SEC24A: variants seen among roughly 807,000 people sequenced by gnomAD.
SEC24A encodes SEC24 homolog A, COPII component.
Under a neutral mutation model 129.4 loss-of-function variants are expected in SEC24A, and 93 were observed. The observed-to-expected ratio is 0.72, with a 90% CI of 0.61 to 0.85. The LOEUF (loss-of-function observed/expected upper bound fraction) is 0.85. Ranked by LOEUF, SEC24A falls within the 40% of genes least tolerant of loss-of-function variation. SEC24A has a pLI of 0.00. For missense variants in SEC24A, 1,264 were observed against 1,307.4 expected (o/e 0.97, Z 0.51); for synonymous variants, 460 against 467.3 (o/e 0.98, Z 0.20).
At chr5:134,713,201 G>A (rs914347721) in intron 18 of SEC24A, among the ~76,000 whole-genome samples, 2 of 152,260 alleles carry the variant, frequency 1.3e-5, no homozygotes, top group South Asian at 2.1e-4. Flanking sequence ...AAAGTGCTGG[G>A]ATTATAGGCG....
intron 11 of SEC24A, among the ~76,000 whole-genome samples, chr5:134,688,846 A>C (rs796694655): frequency 1.6e-4 from 24 of 152,098 alleles, no homozygotes; most frequent in African/African-American, 5.8e-4. Flanking sequence ...TGCCCAGCTA[A>C]TTTTTGTATT....
At position 134,649,099 on chromosome 5, in the gene SEC24A, C is replaced by T; in HGVS notation, c.23C>T (p.Ala8Val). 1.9e-6 allele frequency: 3 copies of T among 1,609,426 alleles called. No homozygotes were observed. The highest frequency in any genetic ancestry group is 2.5e-6 in the Non-Finnish European group (3 of 1,177,966). Residue 8 changes from alanine to valine, a missense_variant, in exon 1 of 23, where the codon GCC becomes GTC. Ala to Val is a moderately conservative substitution (Grantham distance 64). Coordinates refer to ENST00000398844, the MANE Select transcript of SEC24A (RefSeq NM_021982.3). Reference protein sequence around the residue: MSQPGIPASGGAPASLQA... With the variant: MSQPGIPVSGGAPASLQA... ...ATCATGTCCCAGCCGGGAATACCGG[C>T]CTCCGGCGGCGCCCCAGCCAGCCTC...
At chr5:134,671,445 T>C (rs1214971093) in intron 3 of SEC24A, among the ~76,000 whole-genome samples, 1 of 152,208 alleles carries the variant, frequency 6.6e-6, no homozygotes, top group Admixed American at 6.6e-5. Flanking sequence ...CTCTCACAAC[T>C]GCTGAAATCT....
intron 1 of SEC24A, among the ~76,000 whole-genome samples, chr5:134,656,985 G>C (rs1263066213): frequency 6.6e-6 from 1 of 151,268 alleles, no homozygotes; most frequent in African/African-American, 2.4e-5. Flanking sequence ...AGGAGTTCGA[G>C]ACCAGCCTGG....
At chr5:134,663,677 AT>A (rs1175956816) in intron 2 of SEC24A, among the ~76,000 whole-genome samples, 1 of 152,078 alleles carries the variant, frequency 6.6e-6, no homozygotes, top group African/African-American at 2.4e-5. Flanking sequence ...AAATAATTTT[AT>A]TTAAAAATAA....
At chr5:134,649,598 T>A (rs1749981395) in intron 1 of SEC24A, among the ~76,000 whole-genome samples, 1 of 152,114 alleles carries the variant, frequency 6.6e-6, no homozygotes, top group African/African-American at 2.4e-5. Flanking sequence ...CAGTCTGAGT[T>A]TCTGGAGATG....
At chr5:134,721,440 G>T (rs1752624799) in intron 21 of SEC24A, among the ~76,000 whole-genome samples, 1 of 151,110 alleles carries the variant, frequency 6.6e-6, no homozygotes. Context: ...GCGCACACCT[G>T]TAGTCCCAGC....
At chr5:134,699,301 C>CTTTTTTTTTT (rs1208203003) in intron 15 of SEC24A, among the ~76,000 whole-genome samples, 89 of 138,406 alleles carry the variant, frequency 6.4e-4, no homozygotes, top group African/African-American at 1.7e-3. Flanking sequence ...CCATTTTATC[C>CTTTTTTTTTT]TTTTTTTTTT....
intron 15 of SEC24A, 122 bp from the exon 16 acceptor site, chr5:134,703,634 TCAC>T (rs1752067415): frequency 1.6e-6 from 1 of 640,498 alleles, no homozygotes; most frequent in Admixed American, 3.0e-5. Context: ...TTCCTTAACC[TCAC>T]TAAGTACTGT....
rs977868034 is a variant in SEC24A, at chr5:134,725,721, TGAA to T, written c.*631_*633del. 5 of 152,620 alleles carry T rather than the reference TGAA, an allele frequency of 3.3e-5. No homozygotes were observed. In the Middle Eastern group the frequency reaches 0.01, roughly 311 times the overall value. 9.5% of individuals were successfully genotyped at this position (152,620 alleles called of 1,614,324 possible). A position where few individuals can be genotyped will look rare whatever the true frequency, so the allele number is the denominator to read the frequency against. ...AAAATCTGTCAGTATTCTTTATGCT[TGAA>T]GAACAAAGTCACTTTGATTTGAAGT... is the stretch of plus-strand genomic sequence containing the variant. On this transcript the variant is annotated 3_prime_UTR_variant, in exon 23 of 23. Coordinates refer to ENST00000398844, the MANE Select transcript of SEC24A (RefSeq NM_021982.3).
At chr5:134,666,531 T>G (rs1369015061) in intron 2 of SEC24A, among the ~76,000 whole-genome samples, 2 of 149,022 alleles carry the variant, frequency 1.3e-5, no homozygotes, top group Admixed American at 1.3e-4. Flanking sequence ...CATTCCAGCC[T>G]GGGCGACAAG....
At chr5:134,691,753 G>A (rs1751662957) in intron 11 of SEC24A, among the ~76,000 whole-genome samples, 1 of 151,966 alleles carries the variant, frequency 6.6e-6, no homozygotes, top group African/African-American at 2.4e-5. Flanking sequence ...CCAAAGTACT[G>A]GGATTACAGG....
intron 3 of SEC24A, among the ~76,000 whole-genome samples, chr5:134,669,230 G>A (rs1218524438): frequency 6.6e-6 from 1 of 151,092 alleles, no homozygotes; most frequent in African/African-American, 2.4e-5. Context: ...GCAATGGTGC[G>A]ATCTCGGCTC....
intron 1 of SEC24A, among the ~76,000 whole-genome samples, chr5:134,652,214 G>A (rs144767416): frequency 2.0e-5 from 3 of 151,862 alleles, no homozygotes; most frequent in African/African-American, 2.4e-5. Context: ...GAGCCACCGC[G>A]CCTGGCCGAA....
At chr5:134,671,605 T>C (rs1221608071) in intron 3 of SEC24A, among the ~76,000 whole-genome samples, 1 of 152,202 alleles carries the variant, frequency 6.6e-6, no homozygotes, top group African/African-American at 2.4e-5. Context: ...CAAAGACTCA[T>C]GTTTCCTTTC....
At chr5:134,689,756 TC>T in intron 11 of SEC24A, among the ~76,000 whole-genome samples, 1 of 146,262 alleles carries the variant, frequency 6.8e-6, no homozygotes. Flanking sequence ...AGAGTGAGAC[TC>T]CATCTCAAGA....
At chr5:134,721,580 AAGAT>A (rs1332364109) in intron 21 of SEC24A, among the ~76,000 whole-genome samples, 2 of 151,212 alleles carry the variant, frequency 1.3e-5, no homozygotes, top group South Asian at 2.1e-4. Context: ...AAAAAAAAAA[AAGAT>A]AGATATGCCA....
At chr5:134,649,297 G>T (rs933734878) in intron 1 of SEC24A, 124 bp downstream of exon 1, 4 of 652,356 alleles carry the variant, frequency 6.1e-6, no homozygotes, top group Non-Finnish European at 7.4e-6. Flanking sequence ...CGCGGATGGT[G>T]GTGGGCGGCT....
At chr5:134,685,442 G>A (rs1751419843) in intron 9 of SEC24A, among the ~76,000 whole-genome samples, 1 of 151,848 alleles carries the variant, frequency 6.6e-6, no homozygotes, top group Non-Finnish European at 1.5e-5. Flanking sequence ...GTTGTATTAG[G>A]TATTATTTTA....
Sources: gnomAD v4.1 joint callset for allele counts (sites outside exome capture counted in the v4.1 genomes callset) on GRCh38, gnomAD v4.1.1 for gene constraint, MANE v1.5 for transcripts, NCBI Gene and HGNC (gene_info 2026-07-23, HGNC 2026-07-21) for gene names.